Variants in ATAD1 observed in about 807,000 individuals in gnomAD.
The protein encoded by ATAD1 is outer mitochondrial transmembrane helix translocase.
Under a neutral mutation model 42.7 loss-of-function variants are expected in ATAD1, and 18 were observed. The ratio of observed to expected loss-of-function variants is 0.42; its 90% CI spans 0.29 to 0.63. The LOEUF (loss-of-function observed/expected upper bound fraction) is 0.63, where lower values mean the gene tolerates loss of function less well. Among genes scored for constraint, ATAD1 ranks in the 20% least tolerant of loss-of-function variants. The pLI is 0.19. For missense variants in ATAD1, 294 were observed against 440.4 expected (o/e 0.67, Z 2.98); for synonymous variants, 132 against 143.1 (o/e 0.92, Z 0.55).
chr10:87,760,933 T>A (rs1202192128), intron 8 of ATAD1, among the ~76,000 whole-genome samples: 1 of 152,186 alleles, frequency 6.6e-6, no homozygotes, highest in Non-Finnish European at 1.5e-5. Context: ...CACTACACTA[T>A]CTTTTTAAAA....
chr10:87,766,060 A>T (rs1854730404), intron 8 of ATAD1, among the ~76,000 whole-genome samples: 1 of 145,970 alleles, frequency 6.9e-6, no homozygotes. Flanking sequence ...AAACAAAAAC[A>T]AAAAAACAGA....
intron 5 of ATAD1, among the ~76,000 whole-genome samples, chr10:87,779,396 G>A (rs1264313803): frequency 6.6e-6 from 1 of 152,048 alleles, no homozygotes; most frequent in Non-Finnish European, 1.5e-5. Flanking sequence ...GCCACAGACT[G>A]GCAAAAAATA....
At chr10:87,803,506 T>G (rs532763443) in intron 2 of ATAD1, among the ~76,000 whole-genome samples, 1 of 152,306 alleles carries the variant, frequency 6.6e-6, no homozygotes, top group Non-Finnish European at 1.5e-5. Flanking sequence ...AATCAGAAAC[T>G]CAAAAGAATG....
chr10:87,805,702 C>T (rs1304964662), intron 2 of ATAD1, among the ~76,000 whole-genome samples: 2 of 151,944 alleles, frequency 1.3e-5, no homozygotes, highest in African/African-American at 4.8e-5. Context: ...CTTCTGGGAC[C>T]TTCCTCCATC....
At chr10:87,836,643 T>C (rs891018946) in intron 1 of ATAD1, among the ~76,000 whole-genome samples, 1 of 152,230 alleles carries the variant, frequency 6.6e-6, no homozygotes. Context: ...TTGATTATGA[T>C]GTGTTTGGGC....
At chr10:87,793,602 G>A (rs1278362196) in intron 2 of ATAD1, among the ~76,000 whole-genome samples, 1 of 152,148 alleles carries the variant, frequency 6.6e-6, no homozygotes, top group Non-Finnish European at 1.5e-5. Flanking sequence ...TGAATTCAAG[G>A]AGTCCAACAC....
In ATAD1 at chr10:87,754,910, AT is replaced by A; in HGVS notation, c.966-104del. 7 of 1,392,940 alleles carry A rather than the reference AT, an allele frequency of 5.0e-6. No individual in the cohort carries two copies. The African/African-American group carries it at 5.8e-5, about 12-fold the overall frequency. The allele number at this position is 1,392,940 out of a possible 1,614,324, so 86.3% of individuals were successfully genotyped here. A position where few individuals can be genotyped will look rare whatever the true frequency, so the allele number is the denominator to read the frequency against. On this transcript the variant is annotated intron_variant, in intron 9 of 9. Coordinates refer to ENST00000680024, the MANE Select transcript of ATAD1 (RefSeq NM_001321967.2). ...AAGAGATGCATGTGGTAAAAAAAAA[AT>A]TTTGTTTTCAACTGTAGAAAAGGGT... is the stretch of plus-strand genomic sequence containing the variant.
chr10:87,767,405 C>A (rs1464737919), intron 8 of ATAD1, among the ~76,000 whole-genome samples: 2 of 152,132 alleles, frequency 1.3e-5, no homozygotes, highest in Non-Finnish European at 2.9e-5. Context: ...CAACCCCCCT[C>A]GCATGCACAG....
intron 2 of ATAD1, among the ~76,000 whole-genome samples, chr10:87,810,957 C>G (rs991307673): frequency 1.3e-5 from 2 of 152,194 alleles, no homozygotes; most frequent in Non-Finnish European, 2.9e-5. Context: ...GGCTGGCAAT[C>G]AAGCTCACCT....
At chr10:87,803,684 C>T (rs573476440) in intron 2 of ATAD1, among the ~76,000 whole-genome samples, 2 of 152,236 alleles carry the variant, frequency 1.3e-5, no homozygotes, top group Non-Finnish European at 2.9e-5. Context: ...ACACCCTGGG[C>T]ACATGTCATC....
intron 6 of ATAD1, among the ~76,000 whole-genome samples, chr10:87,776,112 G>C (rs1042863402): frequency 2.0e-5 from 3 of 152,124 alleles, no homozygotes; most frequent in African/African-American, 7.2e-5. Flanking sequence ...CAGGCATTTA[G>C]GCAATCTACT....
chr10:87,811,358 T>TAAATAAATAAATAAAA (rs1245189003), intron 2 of ATAD1, among the ~76,000 whole-genome samples: 2 of 151,884 alleles, frequency 1.3e-5, no homozygotes, highest in African/African-American at 2.4e-5. Context: ...AATAAATAAA[T>TAAATAAATAAATAAAA]AAAACAAGAT....
chr10:87,801,368 G>A (rs1856684702), intron 2 of ATAD1, among the ~76,000 whole-genome samples: 1 of 151,890 alleles, frequency 6.6e-6, no homozygotes, highest in Non-Finnish European at 1.5e-5. Context: ...AAGACATTAG[G>A]TTCCCTATAA....
At chr10:87,788,893 G>GA (rs1394383417) in intron 4 of ATAD1, among the ~76,000 whole-genome samples, 2 of 152,088 alleles carry the variant, frequency 1.3e-5, no homozygotes, top group African/African-American at 2.4e-5. Context: ...CGGCAGGGGG[G>GA]AAATCACAAT....
At chr10:87,814,174 A>C (rs1315981259) in intron 2 of ATAD1, among the ~76,000 whole-genome samples, 1 of 152,104 alleles carries the variant, frequency 6.6e-6, no homozygotes, top group Non-Finnish European at 1.5e-5. Flanking sequence ...AAGCTGACAA[A>C]AATATTCTAA....
intron 2 of ATAD1, among the ~76,000 whole-genome samples, chr10:87,803,864 A>T (rs539412891): frequency 1.3e-5 from 2 of 152,284 alleles, no homozygotes; most frequent in South Asian, 4.2e-4. Context: ...TCTGATTCCC[A>T]GCTCCTATTG....
chr10:87,788,226 T>C (rs1206228557), intron 4 of ATAD1, among the ~76,000 whole-genome samples: 1 of 152,230 alleles, frequency 6.6e-6, no homozygotes, highest in Non-Finnish European at 1.5e-5. Context: ...TTTTGTAGTC[T>C]GTGTGAAGCA....
At chr10:87,771,643 A>G (rs988078223) in intron 6 of ATAD1, among the ~76,000 whole-genome samples, 5 of 152,164 alleles carry the variant, frequency 3.3e-5, no homozygotes, top group Non-Finnish European at 7.4e-5. Context: ...TTAAACAAAG[A>G]TAACAGAGTA....
At chr10:87,795,846 G>C (rs528526509) in intron 2 of ATAD1, among the ~76,000 whole-genome samples, 1 of 152,150 alleles carries the variant, frequency 6.6e-6, no homozygotes, top group African/African-American at 2.4e-5. Context: ...CCTTTTGGAA[G>C]AATCAGTTTA....
Sources: gnomAD v4.1 joint callset for allele counts (sites outside exome capture counted in the v4.1 genomes callset) on GRCh38, gnomAD v4.1.1 for gene constraint, MANE v1.5 for transcripts, NCBI Gene and HGNC (gene_info 2026-07-23, HGNC 2026-07-21) for gene names.